THUMPD1: variants seen among roughly 807,000 people sequenced by gnomAD.
The protein encoded by THUMPD1 is THUMP domain 1 NAT10 acetyltransferase adaptor.
In THUMPD1, 31 loss-of-function variants were observed where a neutral mutation model predicts 31.6. That is an observed-to-expected ratio of 0.98 (90% CI 0.74 to 1.32). THUMPD1 has a LOEUF of 1.32. THUMPD1 is among the 40% of genes most tolerant of loss of function. THUMPD1 has a pLI of 0.00. For missense variants in THUMPD1, 446 were observed against 427.8 expected, an observed-to-expected ratio of 1.04 and a Z score of -0.38; for synonymous variants, 166 against 158.2, an observed-to-expected ratio of 1.05 and a Z score of -0.37.
Position 20,736,928 on chromosome 16 carries a change from T to C in THUMPD1, c.1014A>G (p.Ala338=), listed in dbSNP as rs1180234181. Residue 338 remains alanine, a synonymous_variant, in exon 4 of 4, where the codon GCA becomes GCG. Coordinates refer to ENST00000396083, the MANE Select transcript of THUMPD1 (RefSeq NM_017736.5). The stretch of plus-strand genomic sequence containing the variant: ...ACTTGGATCCTTCTGTGGCTTGACT[T>C]GCAAGTTCAGGTTTGGCTCCTCCCT... ...VNEGGAKPEL[A]SQATEGSKSN... is the part of the protein sequence containing the mutation. 1 of 1,614,152 alleles carries C rather than the reference T, an allele frequency of 6.2e-7. No homozygotes were observed. Among genetic ancestry groups the C allele is most frequent in the Admixed American group, 1.7e-5 (1 of 60,020 alleles).
chr16:20,736,775 A>G lies in THUMPD1; in HGVS notation c.*105T>C. ...CACTACTGTGAGAACAGCATAATGCAGCACACAAATAAAAAACTGTTTTTA... is the reference window on the plus strand; with the variant it reads ...CACTACTGTGAGAACAGCATAATGCGGCACACAAATAAAAAACTGTTTTTA... On this transcript the variant is annotated 3_prime_UTR_variant, in exon 4 of 4. Coordinates refer to ENST00000396083, the MANE Select transcript of THUMPD1 (RefSeq NM_017736.5). The G allele has an allele frequency of 8.9e-7, 1 of 1,125,286 alleles. No individual in the cohort carries two copies. The highest frequency in any genetic ancestry group is 1.3e-6 in the Non-Finnish European group (1 of 786,024). 69.7% of individuals were successfully genotyped at this position (1,125,286 alleles called of 1,614,324 possible). A position where few individuals can be genotyped will look rare whatever the true frequency, so the allele number is the denominator to read the frequency against.
rs1446660615 is a variant in THUMPD1 at position 20,741,621 on chromosome 16, T to G, written c.119A>C (p.Glu40Ala). ...GATGAGGATGCCCTGTAGCCCGGGC[T>G]CTAGCTGACGGGGCCCGCCAGCGTC... The part of the protein sequence containing the change: ...RCDAGGPRQL[E>A]PGLQGILITC... The change falls in exon 1 of 4, where the codon GAG becomes GCG. Residue 40 changes from glutamate (E) to alanine (A), a missense_variant. Transcript: ENST00000396083. 5.7e-6 allele frequency: 9 copies of G among 1,574,440 alleles called. No individual in the cohort carries two copies. Among genetic ancestry groups the G allele is most frequent in the Non-Finnish European group, 6.9e-6 (8 of 1,159,766 alleles).
chr16:20,741,481 G>GGGGGGGGGGCGC, intron 1 of THUMPD1, 28 bp downstream of exon 1: 1 of 1,308,408 alleles, frequency 7.6e-7, no homozygotes, highest in Non-Finnish European at 9.9e-7. Flanking sequence ...CTGGCAGCCG[G>GGGGGGGGGGCGC]CCCGCCCGCC....
Position 20,737,746 on chromosome 16 carries a change from C to CT in THUMPD1, c.616dup (p.Ser206LysfsTer5). On this transcript the variant is annotated frameshift_variant, in exon 3 of 4. Transcript: ENST00000396083. LOFTEE classifies it low-confidence loss of function (END_TRUNC). Reference sequence around the variant, plus strand: ...GATAACTTCTTCTCTATTCACATGACTGTTATTTCGAGATTTGTACACAAT... The same window carrying CT: ...GATAACTTCTTCTCTATTCACATGACTTGTTATTTCGAGATTTGTACACAAT... 1 of 1,613,656 alleles carries CT rather than the reference C, an allele frequency of 6.2e-7. No homozygotes were observed. The highest frequency in any genetic ancestry group is 8.5e-7 in the Non-Finnish European group (1 of 1,179,822).
In THUMPD1 at chr16:20,736,826, C is replaced by A; in HGVS notation, c.*54G>T. 1.3e-6 allele frequency: 2 copies of A among 1,561,008 alleles called. No homozygotes were observed. Among genetic ancestry groups the A allele is most frequent in the South Asian group, 2.3e-5 (2 of 85,420 alleles). The stretch of plus-strand genomic sequence containing the variant: ...GTCACAATTTAAGGTGGAGCCCCAG[C>A]AACATCTCGTAGAGCCCCAGGTGAG... On this transcript the variant is annotated 3_prime_UTR_variant, in exon 4 of 4. Transcript: ENST00000396083.
In THUMPD1 at chr16:20,733,739, G is replaced by A. The variant is rs1002034333; in HGVS notation, c.*3141C>T. On this transcript the variant is annotated 3_prime_UTR_variant, in exon 4 of 4. Coordinates refer to ENST00000396083, the MANE Select transcript of THUMPD1 (RefSeq NM_017736.5). ...GAAAAAACAAGCTCGATTTCTGGCC[G>A]TACCAAAAGCAAAATACAAGTAAAA... The A allele has an allele frequency of 2.6e-5, 4 of 151,926 alleles. No individual in the cohort carries two copies. Among genetic ancestry groups the A allele is most frequent in the East Asian group, 3.8e-4 (2 of 5,204 alleles). 9.4% of individuals were successfully genotyped at this position (151,926 alleles called of 1,614,324 possible).
rs2079863785 is a variant in THUMPD1, at chr16:20,735,770, G to A, written c.*1110C>T. 6.6e-6 allele frequency: 1 copy of A among 152,228 alleles called. No individual in the cohort carries two copies. Among genetic ancestry groups the A allele is most frequent in the Non-Finnish European group, 1.5e-5 (1 of 68,044 alleles). 9.4% of individuals were successfully genotyped at this position (152,228 alleles called of 1,614,324 possible). On this transcript the variant is annotated 3_prime_UTR_variant, in exon 4 of 4. Coordinates refer to ENST00000396083, the MANE Select transcript of THUMPD1 (RefSeq NM_017736.5). ...ACCTGTTGACTCATCATCCTGGATA[G>A]AGAAGCTGCTACTTTTCAGTTAATG...
rs951845437 is a variant in THUMPD1 at position 20,735,595 on chromosome 16, T to A, written c.*1285A>T. ...AACCACTGATGGGGCACCAGGAGTG[T>A]AGATACCAGACCTCTGGTTATCAGA... On this transcript the variant is annotated 3_prime_UTR_variant, in exon 4 of 4. Transcript: ENST00000396083. 1.3e-5 allele frequency: 2 copies of A among 151,966 alleles called. No individual in the cohort carries two copies. The highest frequency in any genetic ancestry group is 4.8e-5 in the African/African-American group (2 of 41,352). 9.4% of individuals were successfully genotyped at this position (151,966 alleles called of 1,614,324 possible). A position where few individuals can be genotyped will look rare whatever the true frequency, so the allele number is the denominator to read the frequency against.
In THUMPD1 at chr16:20,737,128, T is replaced by C; in HGVS notation, c.814A>G (p.Lys272Glu). ...YNLQEVVKSP[K>E]DPSQLNSKQG... ...TTTGAGTTAAGCTGTGACGGATCCT[T>C]AGGGCTCTTCACCACCTCCTGGAGA... is the stretch of plus-strand genomic sequence containing the variant. The change falls in exon 4 of 4, where the codon AAG (lysine) becomes GAG (glutamate). Residue 272 changes from lysine (K) to glutamate (E), a missense_variant. Physicochemically the swap from Lys to Glu is moderately conservative, Grantham distance 56. Transcript: ENST00000396083. The C allele has an allele frequency of 6.2e-6, 10 of 1,614,230 alleles. No individual in the cohort carries two copies. The highest frequency in any genetic ancestry group is 2.2e-5 in the East Asian group (1 of 44,888).
In THUMPD1 at chr16:20,741,495, C is replaced by CCCCGGG; in HGVS notation, c.231+13_231+14insCCCGGG. 8.0e-7 allele frequency: 1 copy of CCCCGGG among 1,243,820 alleles called. No homozygotes were observed. Among genetic ancestry groups the CCCCGGG allele is most frequent in the South Asian group, 1.5e-5 (1 of 65,610 alleles). The allele number at this position is 1,243,820 out of a possible 1,614,324, so 77.0% of individuals were successfully genotyped here. On this transcript the variant is annotated intron_variant, in intron 1 of 3. Coordinates refer to ENST00000396083, the MANE Select transcript of THUMPD1 (RefSeq NM_017736.5). The stretch of plus-strand genomic sequence containing the variant: ...CCTGGCAGCCGGCCCGCCCGCCCAC[C>CCCCGGG]CCGGGACCGGTACCTTTTCTGGCCC...
chr16:20,734,539 A>G lies in THUMPD1; in HGVS notation c.*2341T>C, dbSNP rs1314934241. 1 of 152,220 alleles carries G rather than the reference A, an allele frequency of 6.6e-6. No individual in the cohort carries two copies. Among genetic ancestry groups the G allele is most frequent in the Admixed American group, 6.5e-5 (1 of 15,276 alleles). 9.4% of individuals were successfully genotyped at this position (152,220 alleles called of 1,614,324 possible). ...CATTCCCATGTTCACTAGCCATTAAATGAACATAGCCACTTGTGCAGGAAG... is the reference window on the plus strand; with the variant it reads ...CATTCCCATGTTCACTAGCCATTAAGTGAACATAGCCACTTGTGCAGGAAG... On this transcript the variant is annotated 3_prime_UTR_variant, in exon 4 of 4. Transcript: ENST00000396083.
intron 2 of THUMPD1, 64 bp downstream of exon 2, chr16:20,738,833 T>A: frequency 6.4e-7 from 1 of 1,564,604 alleles, no homozygotes; most frequent in Non-Finnish European, 8.7e-7. Context: ...TAAGCAGTAT[T>A]CCCTGAGACA....
rs779027442 is a variant in THUMPD1, at chr16:20,737,838, A to G, written c.525T>C (p.Asp175=). The part of the protein sequence containing the change: ...ISGTCKAFLE[D]MKKYAETFLE... ...AAAATGTTTCTGCATATTTTTTCAT[A>G]TCTTCTAAAAAAGCCTTGCATGTGC... Residue 175 remains aspartate (D), a synonymous_variant, in exon 3 of 4, where the codon GAT becomes GAC. Coordinates refer to ENST00000396083, the MANE Select transcript of THUMPD1 (RefSeq NM_017736.5). 3 of 1,613,928 alleles carry G rather than the reference A, an allele frequency of 1.9e-6. No individual in the cohort carries two copies. The highest frequency in any genetic ancestry group is 1.1e-5 in the South Asian group (1 of 91,078).
At position 20,735,120 on chromosome 16, in the gene THUMPD1, A is replaced by AT. The variant is rs907367047; in HGVS notation, c.*1759dup. The stretch of plus-strand genomic sequence containing the variant: ...TAAGAGTCTTGTCGCTTTAAGAAAA[A>AT]TTTTTTTCCCCAGAACCTTTCAGAG... On this transcript the variant is annotated 3_prime_UTR_variant, in exon 4 of 4. Coordinates refer to ENST00000396083, the MANE Select transcript of THUMPD1 (RefSeq NM_017736.5). The AT allele has an allele frequency of 2.6e-5, 4 of 152,030 alleles. No individual in the cohort carries two copies. The highest frequency in any genetic ancestry group is 9.7e-5 in the African/African-American group (4 of 41,386). 9.4% of individuals were successfully genotyped at this position (152,030 alleles called of 1,614,324 possible). A position where few individuals can be genotyped will look rare whatever the true frequency, so the allele number is the denominator to read the frequency against.
At chr16:20,741,156 G>A (rs985081852) in intron 1 of THUMPD1, among the ~76,000 whole-genome samples, 3 of 152,166 alleles carry the variant, frequency 2.0e-5, no homozygotes, top group African/African-American at 7.2e-5. Flanking sequence ...CAGCTACTCT[G>A]GAGGCTGAGA....
Position 20,741,753 on chromosome 16 carries a change from T to G in THUMPD1, c.-14A>C, listed in dbSNP as rs1381826605. The stretch of plus-strand genomic sequence containing the variant: ...AGGGGCCGCCATGGTGTGCGCAAAC[T>G]GAGAGGAAAGAGAAACGTTTCTCCG... On this transcript the variant is annotated 5_prime_UTR_variant, in exon 1 of 4. Transcript: ENST00000396083. The G allele has an allele frequency of 1.3e-6, 2 of 1,559,864 alleles. No individual in the cohort carries two copies. The highest frequency in any genetic ancestry group is 1.4e-5 in the African/African-American group (1 of 73,828).
chr16:20,741,394 G>T (rs1260276434), intron 1 of THUMPD1, 115 bp downstream of exon 1: 1 of 1,308,756 alleles, frequency 7.6e-7, no homozygotes, highest in African/African-American at 1.5e-5. Context: ...CGCCCCTACA[G>T]CCGTCACGCC....
intron 1 of THUMPD1, among the ~76,000 whole-genome samples, chr16:20,740,298 G>A (rs1377515583): frequency 2.0e-5 from 3 of 152,218 alleles, no homozygotes; most frequent in African/African-American, 4.8e-5. Flanking sequence ...CGGGGACTGA[G>A]GCAGGAGGAC....
chr16:20,741,319 C>G (rs1456645067), intron 1 of THUMPD1, among the ~76,000 whole-genome samples, 190 bp downstream of exon 1: 1 of 152,244 alleles, frequency 6.6e-6, no homozygotes, highest in South Asian at 2.1e-4. Context: ...ACTTCAAGCA[C>G]AAAACCGATA....
Sources: gnomAD v4.1 joint callset for allele counts (sites outside exome capture counted in the v4.1 genomes callset) on GRCh38, gnomAD v4.1.1 for gene constraint, MANE v1.5 for transcripts, NCBI Gene and HGNC (gene_info 2026-07-23, HGNC 2026-07-21) for gene names.